THADA: variants seen among roughly 807,000 people sequenced by gnomAD.
THADA encodes the protein tRNA (32-2'-O)-methyltransferase regulator THADA.
A neutral mutation model predicts 219.8 loss-of-function variants in THADA; 213 were observed. The ratio of observed to expected loss-of-function variants is 0.97; its 90% CI spans 0.87 to 1.09. The LOEUF is 1.09. Among genes scored for constraint, THADA ranks in the 50% least tolerant of loss-of-function variants. The pLI, the probability that THADA is intolerant of heterozygous loss-of-function variation, is 0.00. For synonymous variants in THADA, 1,018 were observed against 828.9 expected (o/e 1.23, Z -3.92); for missense variants, 2,956 against 2,311.3 (o/e 1.28, Z -5.72).
At chr2:43,327,461 T>TG (rs1356783759) in intron 30 of THADA, among the ~76,000 whole-genome samples, 8 of 61,356 alleles carry the variant, frequency 1.3e-4, no homozygotes, top group African/African-American at 5.3e-4. Flanking sequence ...AGAAGGGGAG[T>TG]GGGGGGAGAA....
At chr2:43,488,949 G>A (rs1687255063) in intron 25 of THADA, among the ~76,000 whole-genome samples, 1 of 152,044 alleles carries the variant, frequency 6.6e-6, no homozygotes, top group African/African-American at 2.4e-5. Flanking sequence ...GTGCTTACTG[G>A]CCATCTGCCT....
At chr2:43,556,246 A>G in intron 17 of THADA, 99 bp downstream of exon 17, 1 of 1,522,688 alleles carries the variant, frequency 6.6e-7, no homozygotes, top group African/African-American at 1.4e-5. Context: ...ACTTTTAAAT[A>G]AAAAACCACA....
At chr2:43,471,369 T>C (rs978376361) in intron 26 of THADA, among the ~76,000 whole-genome samples, 1 of 151,886 alleles carries the variant, frequency 6.6e-6, no homozygotes, top group East Asian at 1.9e-4. Context: ...CTACAAAAAA[T>C]TATAAAAATT....
chr2:43,292,065 C>T (rs977255973), intron 33 of THADA, 39 bp downstream of exon 33: 1 of 1,377,548 alleles, frequency 7.3e-7, no homozygotes, highest in East Asian at 2.4e-5. Flanking sequence ...TGGGACCATA[C>T]ATCTTACCAA....
intron 26 of THADA, among the ~76,000 whole-genome samples, chr2:43,430,997 C>A (rs1679188912): frequency 6.6e-6 from 1 of 152,108 alleles, no homozygotes; most frequent in Non-Finnish European, 1.5e-5. Context: ...TTATCTTTTT[C>A]AACTTTATAA....
intron 21 of THADA, among the ~76,000 whole-genome samples, chr2:43,535,016 T>C (rs77476579): frequency 0.013 from 2,051 of 152,202 alleles, 136 homozygotes; most frequent in Admixed American, 0.093. Flanking sequence ...TGTTATTTTT[T>C]TGTCTTTTTG....
At chr2:43,591,435 T>C (rs544784007) in intron 3 of THADA, among the ~76,000 whole-genome samples, 1 of 152,174 alleles carries the variant, frequency 6.6e-6, no homozygotes, top group Admixed American at 6.5e-5. Context: ...TTTAAACTCA[T>C]GTCCCCACCT....
At chr2:43,571,079 G>A (rs1291376915) in intron 13 of THADA, among the ~76,000 whole-genome samples, 1 of 152,046 alleles carries the variant, frequency 6.6e-6, no homozygotes, top group Non-Finnish European at 1.5e-5. Flanking sequence ...AACAGAGCAA[G>A]ACACTATCTC....
intron 26 of THADA, among the ~76,000 whole-genome samples, chr2:43,476,545 G>C (rs6717636): frequency 0.14 from 20,732 of 152,178 alleles, 1,855 homozygotes; most frequent in African/African-American, 0.25. Flanking sequence ...CAGCCAAAAG[G>C]ATTCTAGCTG....
intron 29 of THADA, among the ~76,000 whole-genome samples, chr2:43,377,989 G>T (rs886546966): frequency 6.6e-6 from 1 of 152,130 alleles, no homozygotes; most frequent in East Asian, 1.9e-4. Flanking sequence ...CCTCAATTTG[G>T]GTTTGTATAG....
intron 36 of THADA, among the ~76,000 whole-genome samples, chr2:43,233,736 G>T (rs1667711620): frequency 6.6e-6 from 1 of 152,066 alleles, no homozygotes; most frequent in Non-Finnish European, 1.5e-5. Context: ...TCCTAAATAT[G>T]GGTTTGGAGG....
At chr2:43,352,719 T>A (rs1207033817) in intron 29 of THADA, among the ~76,000 whole-genome samples, 1 of 151,988 alleles carries the variant, frequency 6.6e-6, no homozygotes, top group East Asian at 1.9e-4. Flanking sequence ...GTTACTATAG[T>A]GAAACAAATT....
At chr2:43,408,692 G>C (rs773071276) in intron 28 of THADA, among the ~76,000 whole-genome samples, 25 of 152,214 alleles carry the variant, frequency 1.6e-4, no homozygotes, top group South Asian at 2.1e-4. Flanking sequence ...ATCTATAAAA[G>C]CTTATTAGAG....
At chr2:43,376,298 T>C (rs920780265) in intron 29 of THADA, among the ~76,000 whole-genome samples, 18 of 152,234 alleles carry the variant, frequency 1.2e-4, no homozygotes, top group African/African-American at 3.4e-4. Flanking sequence ...CCTAAGACAA[T>C]TGAGCCAACA....
At chr2:43,304,354 A>ATCC (rs1676601334) in intron 31 of THADA, among the ~76,000 whole-genome samples, 1 of 152,176 alleles carries the variant, frequency 6.6e-6, no homozygotes, top group Non-Finnish European at 1.5e-5. Context: ...AGGCAGAAGG[A>ATCC]TCCTCCTCAG....
intron 36 of THADA, among the ~76,000 whole-genome samples, chr2:43,256,403 C>T (rs1670316251): frequency 6.6e-6 from 1 of 151,548 alleles, no homozygotes; most frequent in Non-Finnish European, 1.5e-5. Context: ...GAACCTTGCT[C>T]ACTTTTTGAC....
intron 31 of THADA, among the ~76,000 whole-genome samples, chr2:43,314,281 A>G (rs940682719): frequency 1.2e-4 from 19 of 152,310 alleles, no homozygotes; most frequent in African/African-American, 4.3e-4. Context: ...TCATATTTCA[A>G]TATATTACAC....
chr2:43,551,495 C>T (rs966891737), intron 19 of THADA, among the ~76,000 whole-genome samples: 10 of 151,722 alleles, frequency 6.6e-5, no homozygotes, highest in Non-Finnish European at 1.5e-4. Context: ...TTTGTATTTC[C>T]AATTTTCAGA....
At chr2:43,429,205 T>C (rs1678911185) in intron 27 of THADA, among the ~76,000 whole-genome samples, 1 of 150,234 alleles carries the variant, frequency 6.7e-6, no homozygotes. Flanking sequence ...CCTCCTGGGT[T>C]CAAGTGATTC....
Sources: gnomAD v4.1 joint callset for allele counts (sites outside exome capture counted in the v4.1 genomes callset) on GRCh38, gnomAD v4.1.1 for gene constraint, MANE v1.5 for transcripts, NCBI Gene and HGNC (gene_info 2026-07-23, HGNC 2026-07-21) for gene names.